Variants in SNX8 observed in about 807,000 individuals in gnomAD.
The protein encoded by SNX8 is sorting nexin-8.
A neutral mutation model predicts 51.6 loss-of-function variants in SNX8; 25 were observed. That is an observed-to-expected ratio of 0.48 (90% CI 0.35 to 0.68). The LOEUF is 0.68. Among genes scored for constraint, SNX8 ranks in the 30% least tolerant of loss-of-function variants. The probability of loss-of-function intolerance (pLI) is 0.00; values close to 1 mark genes in which losing one functional copy is unlikely to be tolerated. For missense variants in SNX8, 695 were observed against 624.0 expected, an observed-to-expected ratio of 1.11 and a Z score of -1.21; for synonymous variants, 324 against 277.0, an observed-to-expected ratio of 1.17 and a Z score of -1.68.
chr7:2,338,280 G>A (rs528183413), intron 1 of SNX8, among the ~76,000 whole-genome samples: 1 of 151,976 alleles, frequency 6.6e-6, no homozygotes, highest in Non-Finnish European at 1.5e-5. Context: ...GGCTAACATG[G>A]TGAAACTCTG....
intron 1 of SNX8, among the ~76,000 whole-genome samples, chr7:2,291,395 C>T (rs1004580891): frequency 2.2e-4 from 33 of 152,092 alleles, no homozygotes; most frequent in African/African-American, 7.0e-4. Flanking sequence ...CTCAGGAGTT[C>T]GAGACCAGCA....
chr7:2,334,740 CAT>C (rs1778794466), intron 1 of SNX8, among the ~76,000 whole-genome samples: 1 of 150,760 alleles, frequency 6.6e-6, no homozygotes, highest in African/African-American at 2.4e-5. Context: ...TGTGGTGGCA[CAT>C]GTCTGTGGTC....
intron 7 of SNX8, among the ~76,000 whole-genome samples, chr7:2,262,076 C>A (rs779142938): frequency 2.0e-5 from 3 of 152,218 alleles, no homozygotes; most frequent in Non-Finnish European, 4.4e-5. Context: ...CTCGCTCTGT[C>A]GCCCAGGCTG....
chr7:2,256,118 C>T (rs557725872), intron 10 of SNX8, among the ~76,000 whole-genome samples: 32 of 152,332 alleles, frequency 2.1e-4, no homozygotes, highest in African/African-American at 7.7e-4. Flanking sequence ...CAACCTGGTC[C>T]CTGAGACCCT....
At chr7:2,284,937 C>T (rs181379806) in intron 1 of SNX8, among the ~76,000 whole-genome samples, 5 of 151,904 alleles carry the variant, frequency 3.3e-5, no homozygotes, top group East Asian at 1.9e-4. Flanking sequence ...CTTGGCTGGG[C>T]GGAGTGCCTC....
upstream of SNX8, among the ~76,000 whole-genome samples, chr7:2,315,841 TTCAC>T (rs146155167): frequency 5.0e-4 from 74 of 148,148 alleles, no homozygotes; most frequent in African/African-American, 1.6e-3. Context: ...CCTGCATTCA[TTCAC>T]TCACTCACTA....
chr7:2,312,293 T>C (rs1157065413), intron 1 of SNX8, among the ~76,000 whole-genome samples: 1 of 152,114 alleles, frequency 6.6e-6, no homozygotes, highest in Admixed American at 6.6e-5. Context: ...TCTACTTCTG[T>C]GAAGCCTGAA....
In SNX8 at chr7:2,257,473, G is replaced by A. The variant is rs759261577; in HGVS notation, c.1026C>T (p.His342=). The A allele has an allele frequency of 6.8e-6, 11 of 1,607,294 alleles. No homozygotes were observed. In the Admixed American group the frequency reaches 8.4e-5, roughly 12 times the overall value. Residue 342 remains histidine, a synonymous_variant, in exon 9 of 11, where the codon CAC becomes CAT. Transcript: ENST00000222990. ...ERHEKGVLHK[H]QRALHKYSLM... ...GGCTGTACTTGTGCAGGGCCCGCTG[G>A]TGCTTGTGCAACACGCCCTTCTCAT...
intron 1 of SNX8, among the ~76,000 whole-genome samples, chr7:2,347,906 T>C (rs562695764): frequency 6.9e-6 from 1 of 145,336 alleles, no homozygotes; most frequent in Non-Finnish European, 1.5e-5. Context: ...GGCCTCCCAG[T>C]GTTGAGATTA....
upstream of SNX8, among the ~76,000 whole-genome samples, chr7:2,316,537 GCATT>G (rs1475552585): frequency 2.2e-5 from 3 of 137,916 alleles, no homozygotes; most frequent in Admixed American, 7.4e-5. Context: ...ACTGCATCCT[GCATT>G]CATTCACACA....
chr7:2,260,433 T>G (rs922047680), intron 7 of SNX8, among the ~76,000 whole-genome samples: 1 of 152,128 alleles, frequency 6.6e-6, no homozygotes, highest in African/African-American at 2.4e-5. Flanking sequence ...CATTCAAAGC[T>G]GTCCTGGGCC....
At chr7:2,278,584 ACACT>A (rs972844506) in intron 1 of SNX8, among the ~76,000 whole-genome samples, 7 of 152,266 alleles carry the variant, frequency 4.6e-5, no homozygotes, top group African/African-American at 1.2e-4. Flanking sequence ...TCAGCCAGCC[ACACT>A]CACTCACTCA....
chr7:2,327,832 C>T (rs1430160864), intron 1 of SNX8, among the ~76,000 whole-genome samples: 1 of 152,072 alleles, frequency 6.6e-6, no homozygotes, highest in Non-Finnish European at 1.5e-5. Context: ...CGTGAGCCAC[C>T]GCGCCTGGCC....
In SNX8 at chr7:2,253,890, G is replaced by C. The variant is rs183951601; in HGVS notation, c.*1166C>G. Reference sequence around the variant, plus strand: ...AGGGACCTCGGAAACCCTGGAGCCCGGCGGGCCTCTTCCAGCACCCCTCCC... The same window carrying C: ...AGGGACCTCGGAAACCCTGGAGCCCCGCGGGCCTCTTCCAGCACCCCTCCC... On this transcript the variant is annotated 3_prime_UTR_variant, in exon 11 of 11. Transcript: ENST00000222990. 1.3e-5 allele frequency: 2 copies of C among 152,248 alleles called. No homozygotes were observed. Among genetic ancestry groups the C allele is most frequent in the African/African-American group, 4.8e-5 (2 of 41,436 alleles). 9.4% of individuals were successfully genotyped at this position (152,248 alleles called of 1,614,324 possible).
intron 1 of SNX8, among the ~76,000 whole-genome samples, chr7:2,319,694 A>G (rs1235192831): frequency 6.6e-6 from 1 of 152,186 alleles, no homozygotes; most frequent in Non-Finnish European, 1.5e-5. Context: ...GGGCGCCTGT[A>G]GTCCCAGCTC....
chr7:2,323,018 A>C (rs1034982414), intron 1 of SNX8, among the ~76,000 whole-genome samples: 1 of 151,554 alleles, frequency 6.6e-6, no homozygotes, highest in Admixed American at 6.6e-5. Context: ...CTCTGTCTCT[A>C]AATAAATAAA....
At chr7:2,285,616 A>G (rs1266315671) in intron 1 of SNX8, among the ~76,000 whole-genome samples, 2 of 152,104 alleles carry the variant, frequency 1.3e-5, no homozygotes, top group African/African-American at 4.8e-5. Flanking sequence ...CATGCCCAAG[A>G]CAGCTCCCCT....
At position 2,335,817 on chromosome 7, in the gene SNX8, A is replaced by T. The variant is rs1469688465; in HGVS notation, c.-66+18405T>A. ...GACTCTGTCTCAAAAAAAAAAAAAAAAAAAAAAAAAATTCTACAGTAGGCA... is the reference window on the plus strand; with the variant it reads ...GACTCTGTCTCAAAAAAAAAAAAAATAAAAAAAAAAATTCTACAGTAGGCA... On this transcript the variant is annotated intron_variant, in intron 1 of 5. Coordinates refer to the SNX8 transcript ENST00000435336. Among the ~76,000 whole-genome samples the T allele has an allele frequency of 5.3e-5, 8 of 151,498 alleles. No homozygotes were observed. In the South Asian group the frequency reaches 1.7e-3, roughly 32 times the overall value.
At chr7:2,339,732 T>G (rs943710123) in intron 1 of SNX8, among the ~76,000 whole-genome samples, 1 of 151,996 alleles carries the variant, frequency 6.6e-6, no homozygotes, top group Non-Finnish European at 1.5e-5. Flanking sequence ...TAAGGAGAAT[T>G]TTCACTACCA....
Sources: allele counts gnomAD v4.1 joint callset (sites outside exome capture counted in the v4.1 genomes callset), GRCh38; gene constraint gnomAD v4.1.1; transcripts MANE v1.5; gene names NCBI Gene and HGNC (gene_info 2026-07-23, HGNC 2026-07-21).